The following METTL8 variants were observed in gnomAD, a reference collection of about 807,000 sequenced individuals.
The protein encoded by METTL8 is methyltransferase 8, tRNA N3-cytidine, also known as tRNA N(3)-cytidine methyltransferase METTL8, mitochondrial.
Under a neutral mutation model 48.7 loss-of-function variants are expected in METTL8, and 32 were observed. That is an observed-to-expected ratio of 0.66 (90% CI 0.50 to 0.88). METTL8 has a LOEUF of 0.88. Ranked by LOEUF, METTL8 falls within the 40% of genes least tolerant of loss-of-function variation. The probability of loss-of-function intolerance (pLI) is 0.00; values close to 1 mark genes in which losing one functional copy is unlikely to be tolerated. For synonymous variants in METTL8, 136 were observed against 157.1 expected, an observed-to-expected ratio of 0.87 and a Z score of 1.01; for missense variants, 464 against 474.4, an observed-to-expected ratio of 0.98 and a Z score of 0.20.
intron 9 of METTL8, among the ~76,000 whole-genome samples, 170 bp downstream of exon 9, chr2:171,325,671 G>C (rs80022495): frequency 2.0e-5 from 3 of 152,142 alleles, no homozygotes; most frequent in African/African-American, 7.2e-5. Flanking sequence ...ACAGTAAACG[G>C]CCATTTTCAA....
intron 2 of METTL8, among the ~76,000 whole-genome samples, chr2:171,384,495 G>A (rs1016683097): frequency 2.6e-5 from 4 of 151,862 alleles, no homozygotes; most frequent in Non-Finnish European, 5.9e-5. Flanking sequence ...GGGTGACAGG[G>A]CAAGACTGTC....
At chr2:171,384,289 C>T (rs1053311750) in intron 2 of METTL8, among the ~76,000 whole-genome samples, 2 of 152,168 alleles carry the variant, frequency 1.3e-5, no homozygotes, top group African/African-American at 4.8e-5. Flanking sequence ...AGGTGGATCA[C>T]TCGAGCCCAG....
In METTL8 at chr2:171,339,464, C is replaced by T; in HGVS notation, c.326G>A (p.Arg109Lys). Residue 109 changes from arginine to lysine, a missense_variant, in exon 4 of 10, where the codon AGG (arginine) becomes AAG (lysine). Transcript: ENST00000375258. ...AACTGGAAGAATTTCAGGAAATTCC[C>T]TCAACAGCCAATTACGATCCTTGAA... is the stretch of plus-strand genomic sequence containing the variant. ...KFFKDRNWLLREFPEILPVDQ... is the reference protein window; with the variant it reads ...KFFKDRNWLLKEFPEILPVDQ... 6.2e-7 allele frequency: 1 copy of T among 1,613,580 alleles called. No individual in the cohort carries two copies.
chr2:171,432,171 G>A (rs141232716), intron 1 of METTL8, among the ~76,000 whole-genome samples: 62 of 152,224 alleles, frequency 4.1e-4, no homozygotes, highest in South Asian at 2.3e-3. Context: ...AGCCCAGCCC[G>A]AGCAAGGCCT....
chr2:171,331,554 C>T (rs1231485734), intron 6 of METTL8, among the ~76,000 whole-genome samples: 2 of 151,772 alleles, frequency 1.3e-5, no homozygotes, highest in African/African-American at 2.4e-5. Flanking sequence ...ATAGCTGGAA[C>T]TACAGGCACG....
chr2:171,342,194 C>T (rs1205317205), intron 3 of METTL8, among the ~76,000 whole-genome samples: 2 of 152,098 alleles, frequency 1.3e-5, no homozygotes, highest in African/African-American at 2.4e-5. Flanking sequence ...GGCCTTGTAC[C>T]GTGGATCTCC....
In METTL8 at chr2:171,316,568, A is replaced by G. The variant is rs570963624; in HGVS notation, c.*7604T>C. Among the ~76,000 whole-genome samples, 2 of 152,360 alleles carry G rather than the reference A, an allele frequency of 1.3e-5. No homozygotes were observed. Among genetic ancestry groups the G allele is most frequent in the South Asian group, 4.1e-4 (2 of 4,828 alleles). On this transcript the variant is annotated 3_prime_UTR_variant, in exon 10 of 10. Coordinates refer to ENST00000375258, the MANE Select transcript of METTL8 (RefSeq NM_001321154.2). ...TATTAAGAAACAAAGCTGCAAATGA[A>G]GAGACATCTCAGAGAGTGGTGGATT...
chr2:171,374,715 G>C (rs1217472319), intron 2 of METTL8, among the ~76,000 whole-genome samples: 1 of 144,356 alleles, frequency 6.9e-6, no homozygotes, highest in Non-Finnish European at 1.5e-5. Flanking sequence ...TGTCTCTATA[G>C]ATTAGTTTGC....
chr2:171,428,712 TG>T (rs1204700475), intron 1 of METTL8, among the ~76,000 whole-genome samples: 1 of 151,864 alleles, frequency 6.6e-6, no homozygotes, highest in East Asian at 1.9e-4. Context: ...CACAGTAACA[TG>T]GAAGCACAGA....
At chr2:171,434,349 A>G, upstream of METTL8, 1 of 757,968 alleles carries the variant, frequency 1.3e-6, no homozygotes, top group Non-Finnish European at 2.2e-6. Flanking sequence ...GGCAGATCGA[A>G]AAGGGAGTGC....
intron 9 of METTL8, 38 bp downstream of exon 9, chr2:171,325,803 G>A (rs1440404523): frequency 1.3e-5 from 16 of 1,250,004 alleles, no homozygotes; most frequent in South Asian, 2.7e-5. Context: ...TAACAAGAAC[G>A]ATTATGACCA....
intron 3 of METTL8, among the ~76,000 whole-genome samples, chr2:171,355,741 C>A (rs1294442724): frequency 6.6e-6 from 1 of 152,206 alleles, no homozygotes; most frequent in Non-Finnish European, 1.5e-5. Context: ...ATGAGCGAGG[C>A]TCCGTGGGCG....
Position 171,345,320 on chromosome 2 carries a change from TATATA to T in METTL8, c.236-5771_236-5767del, listed in dbSNP as rs371214362. ...TGAATTAAACCATTTATGTATGACA[TATATA>T]ATATGATTAATATGAATTATGAAAA... On this transcript the variant is annotated intron_variant, in intron 3 of 9. Coordinates refer to ENST00000375258, the MANE Select transcript of METTL8 (RefSeq NM_001321154.2). 9.4e-3 allele frequency among the ~76,000 whole-genome samples: 1,426 copies of T among 152,304 alleles called. 22 individuals are homozygous for T. Among genetic ancestry groups the T allele is most frequent in the African/African-American group, 0.033 (1,379 of 41,550 alleles).
At chr2:171,335,384 G>C (rs1012837749) in intron 5 of METTL8, among the ~76,000 whole-genome samples, 1 of 152,074 alleles carries the variant, frequency 6.6e-6, no homozygotes, top group Non-Finnish European at 1.5e-5. Context: ...TAGGCATATG[G>C]AAATTCACTG....
At chr2:171,409,715 G>A (rs1218633840) in intron 1 of METTL8, among the ~76,000 whole-genome samples, 1 of 152,188 alleles carries the variant, frequency 6.6e-6, no homozygotes, top group African/African-American at 2.4e-5. Flanking sequence ...ACGCGGCAGG[G>A]CAGAGAGGGG....
At chr2:171,396,265 GAATAAATAAATA>G (rs56295899) in intron 1 of METTL8, among the ~76,000 whole-genome samples, 13 of 150,990 alleles carry the variant, frequency 8.6e-5, no homozygotes, top group African/African-American at 1.5e-4. Context: ...CTGTCTCAAT[GAATAAATAAATA>G]AATAAATAAA....
intron 1 of METTL8, among the ~76,000 whole-genome samples, chr2:171,431,924 G>C (rs1288483136): frequency 6.6e-6 from 1 of 152,244 alleles, no homozygotes; most frequent in Non-Finnish European, 1.5e-5. Context: ...GGACTCCAGA[G>C]CCCACTGTGG....
intron 1 of METTL8, among the ~76,000 whole-genome samples, chr2:171,412,147 G>A (rs916452243): frequency 1.3e-5 from 2 of 152,218 alleles, no homozygotes; most frequent in Admixed American, 1.3e-4. Context: ...GATTGGGCAA[G>A]TTCCAGGTAA....
chr2:171,319,054 T>C lies in METTL8; in HGVS notation c.*5118A>G, dbSNP rs1212877636. On this transcript the variant is annotated 3_prime_UTR_variant, in exon 10 of 10. Transcript: ENST00000375258. The stretch of plus-strand genomic sequence containing the variant: ...AATTAAGAGTAGCTAAGCAGTTCAA[T>C]AGGAACTAGGACCCATGCTTCCTGT... 6.6e-6 allele frequency: 1 copy of C among 152,144 alleles called. No individual in the cohort carries two copies. 9.4% of individuals were successfully genotyped at this position (152,144 alleles called of 1,614,324 possible). A position where few individuals can be genotyped will look rare whatever the true frequency, so the allele number is the denominator to read the frequency against.
Sources: allele counts gnomAD v4.1 joint callset (sites outside exome capture counted in the v4.1 genomes callset), GRCh38; gene constraint gnomAD v4.1.1; transcripts MANE v1.5; gene names NCBI Gene and HGNC (gene_info 2026-07-23, HGNC 2026-07-21).